The following VSTM2L variants were observed in gnomAD, a reference collection of about 807,000 sequenced individuals.
VSTM2L encodes V-set and transmembrane domain containing 2 like, also known as V-set and transmembrane domain-containing protein 2-like protein.
A neutral mutation model predicts 19.9 loss-of-function variants in VSTM2L; 9 were observed. That is an observed-to-expected ratio of 0.45 (90% CI 0.27 to 0.79). The LOEUF (loss-of-function observed/expected upper bound fraction) is 0.79. VSTM2L is among the 30% of genes least tolerant of loss of function. VSTM2L has a pLI of 0.15. For missense variants in VSTM2L, 286 were observed against 295.5 expected, an observed-to-expected ratio of 0.97 and a Z score of 0.24; for synonymous variants, 127 against 133.8, an observed-to-expected ratio of 0.95 and a Z score of 0.35.
At chr20:37,937,175 C>T (rs999597457) in intron 3 of VSTM2L, among the ~76,000 whole-genome samples, 2 of 152,024 alleles carry the variant, frequency 1.3e-5, no homozygotes, top group African/African-American at 2.4e-5. Context: ...GAGCCGAGAT[C>T]GCACCACTGC....
intron 1 of VSTM2L, among the ~76,000 whole-genome samples, chr20:37,904,923 C>G (rs949876824): frequency 2.0e-5 from 3 of 152,180 alleles, no homozygotes; most frequent in African/African-American, 7.2e-5. Context: ...CCCTTCATGC[C>G]CCTCACCTCA....
chr20:37,931,062 G>T (rs2072906163), intron 1 of VSTM2L, among the ~76,000 whole-genome samples: 1 of 152,210 alleles, frequency 6.6e-6, no homozygotes, highest in Non-Finnish European at 1.5e-5. Flanking sequence ...CAGAGCAAGA[G>T]TGAGGCCAGA....
intron 2 of VSTM2L, among the ~76,000 whole-genome samples, chr20:37,932,413 G>A (rs184490848): frequency 2.4e-3 from 371 of 152,192 alleles, no homozygotes; most frequent in Non-Finnish European, 4.4e-3. Flanking sequence ...CTCTGCTTGA[G>A]GGTTTTCTCT....
At chr20:37,923,082 TCCTCTCATCAGC>T (rs1287209199) in intron 1 of VSTM2L, among the ~76,000 whole-genome samples, 5 of 152,146 alleles carry the variant, frequency 3.3e-5, no homozygotes, top group African/African-American at 1.2e-4. Flanking sequence ...TCTTGTGTCA[TCCTCTCATCAGC>T]CCTCTCATTC....
At chr20:37,911,382 T>TGG (rs898116099) in intron 1 of VSTM2L, among the ~76,000 whole-genome samples, 50 of 152,120 alleles carry the variant, frequency 3.3e-4, no homozygotes, top group African/African-American at 1.2e-3. Flanking sequence ...CGTTATTAGC[T>TGG]GGGGATATTA....
intron 3 of VSTM2L, among the ~76,000 whole-genome samples, chr20:37,934,808 G>A (rs2072930383): frequency 1.3e-5 from 2 of 152,176 alleles, no homozygotes; most frequent in African/African-American, 4.8e-5. Context: ...CCTTCAGGCG[G>A]GAGGGGGTGG....
chr20:37,944,543 C>A lies in VSTM2L; in HGVS notation c.*290C>A. ...GGGACCATGCTGGGGCCCGGGGCCA[C>A]CCCCTTCCTGTCACCAGCTTCTGTG... On this transcript the variant is annotated 3_prime_UTR_variant, in exon 4 of 4. Transcript: ENST00000373461. 1 of 1,185,890 alleles carries A rather than the reference C, an allele frequency of 8.4e-7. No individual in the cohort carries two copies. Among genetic ancestry groups the A allele is most frequent in the Non-Finnish European group, 1.0e-6 (1 of 958,780 alleles). The allele number at this position is 1,185,890 out of a possible 1,614,324, so 73.5% of individuals were successfully genotyped here.
At chr20:37,914,597 G>GC (rs1163346767) in intron 1 of VSTM2L, among the ~76,000 whole-genome samples, 1 of 151,832 alleles carries the variant, frequency 6.6e-6, no homozygotes, top group African/African-American at 2.4e-5. Context: ...TGTTCCCTCT[G>GC]CCCCTCGTGC....
intron 1 of VSTM2L, among the ~76,000 whole-genome samples, chr20:37,927,575 A>G (rs1466344265): frequency 6.6e-6 from 1 of 152,100 alleles, no homozygotes. Context: ...TGGGGATAAG[A>G]GGGTCTCTCC....
At chr20:37,922,330 G>A (rs146551590) in intron 1 of VSTM2L, among the ~76,000 whole-genome samples, 1 of 152,136 alleles carries the variant, frequency 6.6e-6, no homozygotes, top group Non-Finnish European at 1.5e-5. Context: ...TTTGCGGCGT[G>A]TGTCAGAATT....
At chr20:37,918,399 T>C (rs1356343853) in intron 1 of VSTM2L, among the ~76,000 whole-genome samples, 2 of 152,194 alleles carry the variant, frequency 1.3e-5, no homozygotes, top group African/African-American at 4.8e-5. Flanking sequence ...CTTTAACACC[T>C]AACCTTCGCC....
At chr20:37,934,914 G>A (rs1568842268) in intron 3 of VSTM2L, among the ~76,000 whole-genome samples, 1 of 152,134 alleles carries the variant, frequency 6.6e-6, no homozygotes, top group East Asian at 1.9e-4. Context: ...CCAGCTCAGG[G>A]TGGCTGTGGG....
At chr20:37,909,763 G>A (rs773440305) in intron 1 of VSTM2L, among the ~76,000 whole-genome samples, 7 of 152,080 alleles carry the variant, frequency 4.6e-5, no homozygotes, top group Non-Finnish European at 7.4e-5. Context: ...TCCAAGGGTC[G>A]CGCCCTTCTC....
At chr20:37,932,744 G>A (rs1389709811) in intron 2 of VSTM2L, among the ~76,000 whole-genome samples, 1 of 152,116 alleles carries the variant, frequency 6.6e-6, no homozygotes, top group Admixed American at 6.5e-5. Flanking sequence ...TTTGTCTCAA[G>A]GTCAGCTCTT....
chr20:37,933,981 C>T (rs1203481894), intron 3 of VSTM2L, among the ~76,000 whole-genome samples: 1 of 152,216 alleles, frequency 6.6e-6, no homozygotes, highest in East Asian at 1.9e-4. Flanking sequence ...TGATCTGGCC[C>T]CGGGGACGGG....
At chr20:37,917,181 G>A (rs2072823316) in intron 1 of VSTM2L, among the ~76,000 whole-genome samples, 1 of 152,112 alleles carries the variant, frequency 6.6e-6, no homozygotes, top group Non-Finnish European at 1.5e-5. Context: ...AGGCGTGGTG[G>A]AGGCCGCCTG....
At chr20:37,907,840 G>A (rs1367223990) in intron 1 of VSTM2L, among the ~76,000 whole-genome samples, 1 of 152,142 alleles carries the variant, frequency 6.6e-6, no homozygotes, top group Non-Finnish European at 1.5e-5. Context: ...GGGGAGGGAG[G>A]GGGCACCGGG....
chr20:37,932,336 G>C (rs908125224), intron 2 of VSTM2L, among the ~76,000 whole-genome samples: 18 of 152,178 alleles, frequency 1.2e-4, no homozygotes, highest in African/African-American at 3.6e-4. Flanking sequence ...AGCAGATGCT[G>C]TGGGGGCTCT....
intron 3 of VSTM2L, 63 bp from the exon 4 acceptor site, chr20:37,943,918 C>CGCCG (rs2072989402): frequency 1.8e-5 from 16 of 871,862 alleles, no homozygotes; most frequent in South Asian, 4.9e-5. Flanking sequence ...ACCCCCCCCC[C>CGCCG]CGACTCTTCT....
Sources: gnomAD v4.1 joint callset for allele counts (sites outside exome capture counted in the v4.1 genomes callset) on GRCh38, gnomAD v4.1.1 for gene constraint, MANE v1.5 for transcripts, NCBI Gene and HGNC (gene_info 2026-07-23, HGNC 2026-07-21) for gene names.